Variants in SSX2IP observed in about 807,000 individuals in gnomAD.
SSX2IP encodes the protein afadin- and alpha-actinin-binding protein.
SSX2IP carries 55 observed loss-of-function variants against 84.9 expected under a neutral mutation model. The ratio of observed to expected loss-of-function variants is 0.65; its 90% CI spans 0.52 to 0.81. The LOEUF (loss-of-function observed/expected upper bound fraction) is 0.81, where lower values mean the gene tolerates loss of function less well. SSX2IP is among the 30% of genes least tolerant of loss of function. The pLI is 0.00. For synonymous variants in SSX2IP, 239 were observed against 234.7 expected (o/e 1.02, Z -0.17); for missense variants, 664 against 705.2 (o/e 0.94, Z 0.66).
At chr1:84,651,834 A>G in intron 12 of SSX2IP, 49 bp downstream of exon 12, 2 of 1,140,888 alleles carry the variant, frequency 1.8e-6, no homozygotes, top group Non-Finnish European at 1.3e-6. Flanking sequence ...ATATGTAAAT[A>G]ATTTTATTTA....
chr1:84,688,323 C>A (rs888532577), intron 1 of SSX2IP, among the ~76,000 whole-genome samples: 1 of 152,186 alleles, frequency 6.6e-6, no homozygotes, highest in African/African-American at 2.4e-5. Flanking sequence ...AAAACAAACC[C>A]ACATCGTATC....
rs201680027 is a variant in SSX2IP at position 84,662,437 on chromosome 1, A to G, written c.749+18T>C. 254 of 1,613,054 alleles carry G rather than the reference A, an allele frequency of 1.6e-4. 1 individual carries two copies. The highest frequency in any genetic ancestry group is 2.0e-4 in the Non-Finnish European group (234 of 1,179,602). On this transcript the variant is annotated intron_variant, in intron 7 of 13. Transcript: ENST00000342203. ...GAAGGAAGTCTGATTACATTTATCA[A>G]TTTAAACTGGACTTTACCTGGCTTC...
Position 84,643,963 on chromosome 1 carries a change from T to A in SSX2IP, c.*3470A>T, listed in dbSNP as rs1451524062. On this transcript the variant is annotated 3_prime_UTR_variant, in exon 14 of 14. Transcript: ENST00000342203. The stretch of plus-strand genomic sequence containing the variant: ...CAATATCCACCCACTCTAATTTACA[T>A]CCAGCTTGAAAAACACTGTATTTAG... The A allele has an allele frequency of 2.6e-5, 4 of 152,186 alleles. No homozygotes were observed. The highest frequency in any genetic ancestry group is 5.9e-5 in the Non-Finnish European group (4 of 68,042). 9.4% of individuals were successfully genotyped at this position (152,186 alleles called of 1,614,324 possible). A position where few individuals can be genotyped will look rare whatever the true frequency, so the allele number is the denominator to read the frequency against.
chr1:84,662,209 TATC>T lies in SSX2IP; in HGVS notation c.913_915del (p.Asp305del), dbSNP rs772947581. On this transcript the variant is annotated inframe_deletion, in exon 8 of 14. Transcript: ENST00000342203. ...AAAGAGCCACTTACAGTTCCTGTAC[TATC>T]ATCTACTCTTTCTCTAGGTTTCTTC... The T allele has an allele frequency of 1.3e-6, 2 of 1,587,666 alleles. No individual in the cohort carries two copies. Among genetic ancestry groups the T allele is most frequent in the East Asian group, 4.5e-5 (2 of 44,742 alleles).
Position 84,669,818 on chromosome 1 carries a change from C to T in SSX2IP, c.289G>A (p.Val97Ile). 6.2e-7 allele frequency: 1 copy of T among 1,613,596 alleles called. No individual in the cohort carries two copies. The highest frequency in any genetic ancestry group is 8.5e-7 in the Non-Finnish European group (1 of 1,179,660). The change falls in exon 4 of 14, where the codon GTA becomes ATA. Residue 97 changes from valine to isoleucine, a missense_variant. Coordinates refer to ENST00000342203, the MANE Select transcript of SSX2IP (RefSeq NM_001166293.2). ...GKETKRELNI[V>I]AVLNCMNELL... ...TCATTCATACAATTTAGTACAGCTA[C>T]TATATTTAACTCTCTCTTTGTCTCT...
intron 1 of SSX2IP, among the ~76,000 whole-genome samples, chr1:84,688,452 A>G (rs532735587): frequency 1.2e-4 from 18 of 152,350 alleles, no homozygotes; most frequent in African/African-American, 4.3e-4. Flanking sequence ...TAAGCATGTT[A>G]AATGAATTAA....
At chr1:84,672,845 C>CG (rs1557512495) in intron 1 of SSX2IP, among the ~76,000 whole-genome samples, 3 of 151,900 alleles carry the variant, frequency 2.0e-5, no homozygotes. Flanking sequence ...GCCAACATGG[C>CG]GAAACCCCCG....
chr1:84,664,668 T>C, intron 5 of SSX2IP, 116 bp from the exon 6 acceptor site: 2 of 904,034 alleles, frequency 2.2e-6, no homozygotes, highest in Non-Finnish European at 3.1e-6. Flanking sequence ...TTCTTCCTTA[T>C]TTGTAACCAG....
intron 12 of SSX2IP, 76 bp downstream of exon 12, chr1:84,651,807 A>C: frequency 1.2e-6 from 1 of 842,688 alleles, no homozygotes; most frequent in Non-Finnish European, 1.8e-6. Flanking sequence ...TGTATTAATA[A>C]TATGTAGTAT....
intron 8 of SSX2IP, among the ~76,000 whole-genome samples, chr1:84,660,126 T>C (rs1651725299): frequency 6.6e-6 from 1 of 152,088 alleles, no homozygotes; most frequent in Admixed American, 6.5e-5. Context: ...TTACATCTTA[T>C]TTCTCTTGCT....
In SSX2IP at chr1:84,669,460, G is replaced by A. The variant is rs562859350; in HGVS notation, c.426+221C>T. On this transcript the variant is annotated intron_variant, in intron 4 of 13. Coordinates refer to ENST00000342203, the MANE Select transcript of SSX2IP (RefSeq NM_001166293.2). ...ATATTTCCTAATCTAACTTTTTACAGATTCGGCAAGTCATTAAACAGCTCA... is the reference window on the plus strand; with the variant it reads ...ATATTTCCTAATCTAACTTTTTACAAATTCGGCAAGTCATTAAACAGCTCA... Among the ~76,000 whole-genome samples, 11 of 152,134 alleles carry A rather than the reference G, an allele frequency of 7.2e-5. No individual in the cohort carries two copies. In the South Asian group the frequency reaches 2.3e-3, roughly 32 times the overall value.
chr1:84,675,368 TTCTA>T (rs1654182263), intron 1 of SSX2IP, among the ~76,000 whole-genome samples: 1 of 152,210 alleles, frequency 6.6e-6, no homozygotes, highest in Non-Finnish European at 1.5e-5. Flanking sequence ...TAACCTAAAA[TTCTA>T]TCTATTAATA....
At chr1:84,671,110 A>G (rs1653511151) in intron 2 of SSX2IP, 67 bp downstream of exon 2, 1 of 1,551,734 alleles carries the variant, frequency 6.4e-7, no homozygotes. Context: ...TAATTATTTT[A>G]TATTTTCATT....
At chr1:84,655,758 G>T in intron 11 of SSX2IP, 74 bp downstream of exon 11, 1 of 1,509,190 alleles carries the variant, frequency 6.6e-7, no homozygotes, top group Non-Finnish European at 8.9e-7. Context: ...AGAAAAAAAG[G>T]AGACCTTAGA....
At chr1:84,665,369 T>C (rs942274379) in intron 5 of SSX2IP, among the ~76,000 whole-genome samples, 1 of 152,136 alleles carries the variant, frequency 6.6e-6, no homozygotes, top group Non-Finnish European at 1.5e-5. Context: ...AAAACAAATC[T>C]ATCTAAACCA....
intron 1 of SSX2IP, among the ~76,000 whole-genome samples, chr1:84,686,811 G>A (rs1298380302): frequency 6.6e-6 from 1 of 152,126 alleles, no homozygotes; most frequent in Non-Finnish European, 1.5e-5. Context: ...TGTTGAATTC[G>A]GTGATTAGTG....
rs773636564 is a variant in SSX2IP at position 84,646,338 on chromosome 1, T to C, written c.*1095A>G. On this transcript the variant is annotated 3_prime_UTR_variant, in exon 14 of 14. Coordinates refer to ENST00000342203, the MANE Select transcript of SSX2IP (RefSeq NM_001166293.2). ...CAGAGACTGAAGAGAGCTTAAGAGT[T>C]TTCTGAAAATGAAATGACATGTTTT... 3.3e-5 allele frequency: 5 copies of C among 152,704 alleles called. No homozygotes were observed. The highest frequency in any genetic ancestry group is 4.1e-4 in the South Asian group (2 of 4,826). The allele number at this position is 152,704 out of a possible 1,614,324, so 9.5% of individuals were successfully genotyped here.
At position 84,670,973 on chromosome 1, in the gene SSX2IP, C is replaced by T. The variant is rs114444738; in HGVS notation, c.44-158G>A. ...AAGGTATTTTCAAATTAGGGCAAAG[C>T]CTCTTTATGAAAATGATATACTTTT... On this transcript the variant is annotated intron_variant, in intron 2 of 13. Transcript: ENST00000342203. Among the ~76,000 whole-genome samples, 1,433 of 152,104 alleles carry T rather than the reference C, an allele frequency of 9.4e-3. 26 individuals carry two copies. The highest frequency in any genetic ancestry group is 0.033 in the African/African-American group (1,374 of 41,508).
At chr1:84,666,936 T>G (rs1432487293) in intron 4 of SSX2IP, among the ~76,000 whole-genome samples, 2 of 152,192 alleles carry the variant, frequency 1.3e-5, no homozygotes. Flanking sequence ...GCCAATCAAA[T>G]TATGTCTTAA....
Sources: allele counts gnomAD v4.1 joint callset (sites outside exome capture counted in the v4.1 genomes callset), GRCh38; gene constraint gnomAD v4.1.1; transcripts MANE v1.5; gene names NCBI Gene and HGNC (gene_info 2026-07-23, HGNC 2026-07-21).